MMEL1: variants seen among roughly 807,000 people sequenced by gnomAD.
MMEL1 encodes the protein membrane metallo-endopeptidase-like 1.
MMEL1 carries 98 observed loss-of-function variants against 117.1 expected under a neutral mutation model. That is an observed-to-expected ratio of 0.84 (90% CI 0.71 to 0.99). The LOEUF is 0.99. Among genes scored for constraint, MMEL1 ranks in the 50% least tolerant of loss-of-function variants. The pLI, the probability that MMEL1 is intolerant of heterozygous loss-of-function variation, is 0.00. For synonymous variants in MMEL1, 390 were observed against 415.1 expected (o/e 0.94, Z 0.74); for missense variants, 1,014 against 1,049.1 (o/e 0.97, Z 0.46).
chr1:2,618,115 T>C (rs1490791803), intron 2 of MMEL1, among the ~76,000 whole-genome samples: 1 of 152,244 alleles, frequency 6.6e-6, no homozygotes, highest in Non-Finnish European at 1.5e-5. Context: ...TGGTTTATTT[T>C]TCCCTACCAA....
intron 17 of MMEL1, 127 bp downstream of exon 17, chr1:2,594,663 C>T: frequency 2.2e-6 from 2 of 924,978 alleles, no homozygotes; most frequent in Non-Finnish European, 3.4e-6. Context: ...GGCCCAGTGA[C>T]TGCACCCCTC....
chr1:2,612,233 GC>G lies in MMEL1; in HGVS notation c.155-30del. ...GGGAGAAACACAGCGCTCAGCTGCGGCCTCCTGCCTGCAGCTCCCTGGGGGT... is the reference window on the plus strand; with the variant it reads ...GGGAGAAACACAGCGCTCAGCTGCGGCTCCTGCCTGCAGCTCCCTGGGGGT... On this transcript the variant is annotated intron_variant, in intron 2 of 23. Coordinates refer to ENST00000378412, the MANE Select transcript of MMEL1 (RefSeq NM_033467.4). This position sits in a 1 kb window ranked among gnomAD's most constrained non-coding sequence, Gnocchi z 5.4. 6.4e-7 allele frequency: 1 copy of G among 1,550,448 alleles called. No individual in the cohort carries two copies. The highest frequency in any genetic ancestry group is 8.7e-7 in the Non-Finnish European group (1 of 1,144,536).
chr1:2,593,306 G>A (rs531113769), intron 19 of MMEL1, among the ~76,000 whole-genome samples: 8 of 152,336 alleles, frequency 5.3e-5, no homozygotes, highest in African/African-American at 1.7e-4. Context: ...AGAGGAGTAC[G>A]TGGTCCCTGG....
chr1:2,592,090 C>A (rs1644728796), intron 21 of MMEL1, 63 bp from the exon 22 acceptor site: 3 of 1,410,432 alleles, frequency 2.1e-6, no homozygotes, highest in Non-Finnish European at 3.0e-6. Context: ...ACCCTCAGAT[C>A]TCAGGGCAGA....
At chr1:2,631,167 C>T (rs1464374073) in intron 1 of MMEL1, among the ~76,000 whole-genome samples, 1 of 152,174 alleles carries the variant, frequency 6.6e-6, no homozygotes, top group Non-Finnish European at 1.5e-5. Flanking sequence ...GGGAAGTTGC[C>T]CGGTCCTAGG....
intron 13 of MMEL1, among the ~76,000 whole-genome samples, chr1:2,597,469 C>T (rs1395495295): frequency 4.6e-5 from 7 of 152,196 alleles, no homozygotes; most frequent in South Asian, 2.1e-4. Context: ...GCCCTTAGCC[C>T]CTATACCCAA....
chr1:2,615,876 C>A (rs1357406821), intron 2 of MMEL1, among the ~76,000 whole-genome samples: 1 of 152,030 alleles, frequency 6.6e-6, no homozygotes, highest in Non-Finnish European at 1.5e-5. Context: ...GAGATACTGA[C>A]CAATAAATAT....
At chr1:2,610,836 C>G (rs960888431) in intron 4 of MMEL1, among the ~76,000 whole-genome samples, 2 of 152,186 alleles carry the variant, frequency 1.3e-5, no homozygotes, top group African/African-American at 4.8e-5. Flanking sequence ...CAGCCCCCAG[C>G]ACGGGCAGAA....
At chr1:2,594,694 C>T in intron 17 of MMEL1, 96 bp downstream of exon 17, 4 of 1,111,764 alleles carry the variant, frequency 3.6e-6, no homozygotes, top group Non-Finnish European at 4.0e-6. Context: ...GGACCCCAGC[C>T]ACGCATCCAG....
Position 2,612,123 on chromosome 1 carries a change from C to T in MMEL1, c.232+4G>A. The T allele has an allele frequency of 6.3e-7, 1 of 1,575,188 alleles. No homozygotes were observed. The highest frequency in any genetic ancestry group is 8.6e-7 in the Non-Finnish European group (1 of 1,158,928). ...GCTGTTTTGGAAGGGAAGGCAAAGG[C>T]TACCTCGGGGTTTTCGTTTTACAAA... On this transcript the variant is annotated splice_donor_region_variant and intron_variant, in intron 3 of 23. Transcript: ENST00000378412. The surrounding 1 kb of genome is among the most constrained non-coding windows in gnomAD (Gnocchi z 5.4).
rs760973859 is a variant in MMEL1 at position 2,591,543 on chromosome 1, C to G, written c.2240+14G>C. 3.4e-5 allele frequency: 54 copies of G among 1,611,848 alleles called. No homozygotes were observed. The highest frequency in any genetic ancestry group is 4.6e-5 in the Non-Finnish European group (54 of 1,178,360). ...TTGTGGGTGGCAAGGGGGTTGTGAGCATGGGAGACTTGCCTGTACTTCAGG... is the reference window on the plus strand; with the variant it reads ...TTGTGGGTGGCAAGGGGGTTGTGAGGATGGGAGACTTGCCTGTACTTCAGG... On this transcript the variant is annotated intron_variant, in intron 23 of 23. Transcript: ENST00000378412.
rs1644815358 is a variant in MMEL1 at position 2,595,284 on chromosome 1, A to G, written c.1576T>C (p.Tyr526His). The G allele has an allele frequency of 6.2e-7, 1 of 1,612,854 alleles. No homozygotes were observed. Among genetic ancestry groups the G allele is most frequent in the South Asian group, 1.1e-5 (1 of 91,054 alleles). Residue 526 changes from tyrosine (Y) to histidine (H), a missense_variant, in exon 16 of 24, where the codon TAC (tyrosine) becomes CAC (histidine). Tyr to His is a moderately conservative substitution (Grantham distance 83). Coordinates refer to ENST00000378412, the MANE Select transcript of MMEL1 (RefSeq NM_033467.4). This position sits in a 1 kb window ranked among gnomAD's most constrained non-coding sequence, Gnocchi z 4.8. ...TGGGGTTGGGGGCGCACATTGGAGT[A>G]CTCCTCGTCCAGGCGCCTGTTCATC... is the stretch of plus-strand genomic sequence containing the variant. ...EEMNRRLDEEYSNLNFSEDLY... is the reference protein window; with the variant it reads ...EEMNRRLDEEHSNLNFSEDLY...
intron 11 of MMEL1, among the ~76,000 whole-genome samples, chr1:2,599,309 T>C (rs1439055179): frequency 3.9e-5 from 6 of 152,252 alleles, no homozygotes; most frequent in African/African-American, 1.4e-4. Flanking sequence ...GTCTCGTTTA[T>C]GTCATAGATA....
At chr1:2,625,460 C>A (rs1638233288) in intron 2 of MMEL1, among the ~76,000 whole-genome samples, 1 of 152,224 alleles carries the variant, frequency 6.6e-6, no homozygotes, top group Non-Finnish European at 1.5e-5. Context: ...TATGACCCAG[C>A]AGATCCAACG....
At chr1:2,593,211 G>C (rs545736130) in intron 19 of MMEL1, among the ~76,000 whole-genome samples, 1 of 152,344 alleles carries the variant, frequency 6.6e-6, no homozygotes, top group Admixed American at 6.5e-5. Context: ...CCTGAGGCTA[G>C]GGCCTAGCAC....
At chr1:2,623,725 C>A (rs1386845174) in intron 2 of MMEL1, among the ~76,000 whole-genome samples, 1 of 152,194 alleles carries the variant, frequency 6.6e-6, no homozygotes, top group Non-Finnish European at 1.5e-5. Flanking sequence ...AAGGCTGGGG[C>A]AGGTCTCAGA....
intron 2 of MMEL1, among the ~76,000 whole-genome samples, chr1:2,617,413 A>C (rs10752749): frequency 0.45 from 59,345 of 130,870 alleles, 14,271 homozygotes; most frequent in African/African-American, 0.66. Context: ...GGCGACAGAG[A>C]GAGACTCCGT....
intron 9 of MMEL1, among the ~76,000 whole-genome samples, chr1:2,605,170 C>A (rs1223717080): frequency 6.6e-6 from 1 of 152,328 alleles, no homozygotes; most frequent in Middle Eastern, 3.4e-3. Flanking sequence ...GTCCTCATCC[C>A]TCCCCTCTCT....
At chr1:2,620,364 AT>A (rs1302862394) in intron 2 of MMEL1, among the ~76,000 whole-genome samples, 1 of 152,186 alleles carries the variant, frequency 6.6e-6, no homozygotes, top group Non-Finnish European at 1.5e-5. Context: ...AAATAAAGTA[AT>A]TTTCACATAG....
Sources: allele counts gnomAD v4.1 joint callset (sites outside exome capture counted in the v4.1 genomes callset), GRCh38; gene constraint gnomAD v4.1.1; non-coding constraint Gnocchi (gnomAD v3.1); transcripts MANE v1.5; gene names NCBI Gene and HGNC (gene_info 2026-07-23, HGNC 2026-07-21).